Variants in CCSER1 observed in about 807,000 individuals in gnomAD.
CCSER1 encodes the protein serine-rich coiled-coil domain-containing protein 1.
Under a neutral mutation model 82.0 loss-of-function variants are expected in CCSER1, and 41 were observed. The observed-to-expected ratio is 0.50, with a 90% CI of 0.39 to 0.65. The LOEUF (loss-of-function observed/expected upper bound fraction) is 0.65. Among genes scored for constraint, CCSER1 ranks in the 30% least tolerant of loss-of-function variants. CCSER1 has a pLI of 0.00. For missense variants in CCSER1, 1,119 were observed against 1,064.2 expected, an observed-to-expected ratio of 1.05 and a Z score of -0.72; for synonymous variants, 414 against 383.9, an observed-to-expected ratio of 1.08 and a Z score of -0.92.
At chr4:91,105,389 C>T (rs189397317) in intron 10 of CCSER1, among the ~76,000 whole-genome samples, 42 of 136,342 alleles carry the variant, frequency 3.1e-4, no homozygotes, top group East Asian at 9.4e-4. Flanking sequence ...ATTCAAATTC[C>T]AACCACTAAC....
chr4:91,157,690 A>C (rs1730950597), intron 10 of CCSER1, among the ~76,000 whole-genome samples: 1 of 151,994 alleles, frequency 6.6e-6, no homozygotes, highest in African/African-American at 2.4e-5. Context: ...TTGTCTTTCC[A>C]GAATTTGTAA....
intron 5 of CCSER1, among the ~76,000 whole-genome samples, chr4:90,534,480 TG>T (rs1296811647): frequency 1.2e-4 from 18 of 147,718 alleles, no homozygotes; most frequent in African/African-American, 3.7e-4. Context: ...TGTGTGTGTG[TG>T]TGTGTGTGAT....
chr4:91,443,827 C>A (rs1755376754), intron 10 of CCSER1, among the ~76,000 whole-genome samples: 2 of 150,336 alleles, frequency 1.3e-5, no homozygotes, highest in Non-Finnish European at 3.0e-5. Context: ...GATAACCATC[C>A]AATTATATAG....
intron 10 of CCSER1, among the ~76,000 whole-genome samples, chr4:91,295,397 A>AGAG (rs1744076282): frequency 6.6e-6 from 1 of 151,902 alleles, no homozygotes; most frequent in African/African-American, 2.4e-5. Context: ...AAAGAGGCAA[A>AGAG]ATTTTTACTA....
At chr4:91,012,763 G>C (rs1232223585) in intron 9 of CCSER1, among the ~76,000 whole-genome samples, 1 of 93,814 alleles carries the variant, frequency 1.1e-5, no homozygotes, top group Non-Finnish European at 3.0e-5. Flanking sequence ...GATGGTGTTG[G>C]CTTATTCTCT....
At chr4:90,161,602 T>C (rs897880855) in intron 1 of CCSER1, among the ~76,000 whole-genome samples, 1 of 152,050 alleles carries the variant, frequency 6.6e-6, no homozygotes, top group Non-Finnish European at 1.5e-5. Context: ...AAAATAACTC[T>C]TGTCATTGTG....
intron 6 of CCSER1, among the ~76,000 whole-genome samples, chr4:90,694,711 G>A (rs1736668505): frequency 6.6e-6 from 1 of 151,748 alleles, no homozygotes; most frequent in African/African-American, 2.4e-5. Context: ...GAGAACACTT[G>A]TTAAATGTGC....
intron 4 of CCSER1, among the ~76,000 whole-genome samples, chr4:90,401,075 T>C (rs1157269968): frequency 3.3e-5 from 5 of 152,184 alleles, no homozygotes; most frequent in African/African-American, 1.2e-4. Flanking sequence ...TAATAGATAA[T>C]ATCATATTAT....
At chr4:91,070,758 A>G (rs1402463392) in intron 9 of CCSER1, among the ~76,000 whole-genome samples, 1 of 152,162 alleles carries the variant, frequency 6.6e-6, no homozygotes, top group Non-Finnish European at 1.5e-5. Context: ...CGGTGGAAAA[A>G]ATGCCTTCCA....
At chr4:90,439,121 G>A (rs904913344) in intron 4 of CCSER1, among the ~76,000 whole-genome samples, 5 of 152,032 alleles carry the variant, frequency 3.3e-5, no homozygotes, top group Admixed American at 6.6e-5. Context: ...GTGAAACCCC[G>A]TCACTAATAA....
At chr4:90,979,712 G>T (rs1735934871) in intron 9 of CCSER1, among the ~76,000 whole-genome samples, 1 of 151,770 alleles carries the variant, frequency 6.6e-6, no homozygotes, top group Admixed American at 6.6e-5. Flanking sequence ...AGTGATTGTG[G>T]AAGGCATGGC....
At chr4:90,967,291 T>C (rs1734659383) in intron 9 of CCSER1, among the ~76,000 whole-genome samples, 1 of 151,448 alleles carries the variant, frequency 6.6e-6, no homozygotes, top group African/African-American at 2.4e-5. Flanking sequence ...CCATTAAAAA[T>C]ACAAAAAATT....
intron 10 of CCSER1, among the ~76,000 whole-genome samples, chr4:91,131,973 T>C (rs1309625865): frequency 6.6e-6 from 1 of 151,848 alleles, no homozygotes; most frequent in Non-Finnish European, 1.5e-5. Flanking sequence ...AAGATGATAA[T>C]ATCTAGATTA....
chr4:90,436,477 T>C (rs1174143524), intron 4 of CCSER1, among the ~76,000 whole-genome samples: 1 of 152,236 alleles, frequency 6.6e-6, no homozygotes, highest in African/African-American at 2.4e-5. Context: ...ATACCGCTTG[T>C]ATTTCAAACC....
intron 5 of CCSER1, among the ~76,000 whole-genome samples, chr4:90,539,247 T>C (rs1319922439): frequency 6.6e-6 from 1 of 152,064 alleles, no homozygotes; most frequent in African/African-American, 2.4e-5. Context: ...TCCATAGGTT[T>C]TACAAAACTA....
Position 91,600,335 on chromosome 4 carries a change from A to G in CCSER1, c.*1278A>G, listed in dbSNP as rs1462137854. 6.6e-6 allele frequency: 1 copy of G among 152,172 alleles called. No individual in the cohort carries two copies. The highest frequency in any genetic ancestry group is 2.4e-5 in the African/African-American group (1 of 41,452). 9.4% of individuals were successfully genotyped at this position (152,172 alleles called of 1,614,324 possible). A position where few individuals can be genotyped will look rare whatever the true frequency, so the allele number is the denominator to read the frequency against. On this transcript the variant is annotated 3_prime_UTR_variant, in exon 11 of 11. Transcript: ENST00000509176. ...GCAGAATCAAAGAGTACAATTGAAT[A>G]CATAAATAAATAATTTTTAAAAGAC...
rs1459939838 is a variant in CCSER1, at chr4:91,598,577, A to G, written c.2223A>G (p.Thr741=). The G allele has an allele frequency of 5.2e-6, 8 of 1,547,938 alleles. No individual in the cohort carries two copies. Among genetic ancestry groups the G allele is most frequent in the Admixed American group, 2.0e-5 (1 of 50,664 alleles). Reference sequence around the variant, plus strand: ...CTTTCTGTGTCTTACCATAGGCTACATATCGAAATCGAATTGTGAGCCAAA... The same window carrying G: ...CTTTCTGTGTCTTACCATAGGCTACGTATCGAAATCGAATTGTGAGCCAAA... ...LETVQGGREA[T]YRNRIVSQNL... The change falls in exon 11 of 11, where the codon ACA becomes ACG. Residue 741 remains threonine (T), a synonymous_variant. Coordinates refer to ENST00000509176, the MANE Select transcript of CCSER1 (RefSeq NM_001145065.2).
intron 7 of CCSER1, among the ~76,000 whole-genome samples, chr4:90,755,047 G>GA (rs1029626600): frequency 1.3e-5 from 2 of 152,074 alleles, no homozygotes; most frequent in East Asian, 1.9e-4. Context: ...TGGGGAAGGA[G>GA]AAAAAAACCA....
At chr4:91,131,241 T>G (rs947750263) in intron 10 of CCSER1, among the ~76,000 whole-genome samples, 2 of 152,018 alleles carry the variant, frequency 1.3e-5, no homozygotes, top group Non-Finnish European at 2.9e-5. Flanking sequence ...TTTTATTTTA[T>G]TCCTTCAATA....
Sources: gnomAD v4.1 joint callset for allele counts (sites outside exome capture counted in the v4.1 genomes callset) on GRCh38, gnomAD v4.1.1 for gene constraint, MANE v1.5 for transcripts, NCBI Gene and HGNC (gene_info 2026-07-23, HGNC 2026-07-21) for gene names.